Variants in PARL observed in about 807,000 individuals in gnomAD.
PARL encodes the protein presenilin associated rhomboid like.
In PARL, 44 loss-of-function variants were observed where a neutral mutation model predicts 51.6. The observed-to-expected ratio is 0.85, with a 90% CI of 0.67 to 1.10. The LOEUF is 1.10. Ranked by LOEUF, PARL falls within the 50% of genes least tolerant of loss-of-function variation. PARL has a pLI of 0.00. For synonymous variants in PARL, 172 were observed against 164.0 expected (o/e 1.05, Z -0.37); for missense variants, 441 against 469.5 (o/e 0.94, Z 0.56).
rs922468428 is a variant in PARL at position 183,830,365 on chromosome 3, C to T, written c.1029-656G>A. 2.0e-5 allele frequency among the ~76,000 whole-genome samples: 3 copies of T among 152,268 alleles called. No individual in the cohort carries two copies. In the East Asian group the frequency reaches 5.8e-4, roughly 29 times the overall value. On this transcript the variant is annotated intron_variant, in intron 9 of 9. Coordinates refer to ENST00000317096, the MANE Select transcript of PARL (RefSeq NM_018622.7). ...GAATCAGCAGACTGAGACTAGAACC[C>T]GAGTCTGCTGCTGAAGCCTGTGCTG...
chr3:183,855,258 T>C (rs879278094), intron 4 of PARL, among the ~76,000 whole-genome samples: 1 of 152,204 alleles, frequency 6.6e-6, no homozygotes, highest in Non-Finnish European at 1.5e-5. Context: ...CTTTTAAATA[T>C]AATAAAAACC....
chr3:183,884,611 G>A (rs1734911007), intron 1 of PARL, 111 bp downstream of exon 1: 1 of 1,071,006 alleles, frequency 9.3e-7, no homozygotes, highest in Non-Finnish European at 1.4e-6. Context: ...GTAAGGTGAA[G>A]GGGGTGAGCT....
chr3:183,833,548 G>T lies in PARL; in HGVS notation c.972C>A (p.Ile324=). ...CATGATCAAAAAATTTCCATCCCAG[G>T]ATCATTCCTGCTGTATCCATGGCGA... ...AIIAMDTAGM[I]LGWKFFDHAA... The change falls in exon 9 of 10, where the codon ATC becomes ATA. Residue 324 remains isoleucine (I), a synonymous_variant. Transcript: ENST00000317096. 1 of 1,613,860 alleles carries T rather than the reference G, an allele frequency of 6.2e-7. No individual in the cohort carries two copies. Among genetic ancestry groups the T allele is most frequent in the East Asian group, 2.2e-5 (1 of 44,870 alleles).
At chr3:183,832,617 A>C (rs113066858) in intron 9 of PARL, among the ~76,000 whole-genome samples, 2,801 of 152,322 alleles carry the variant, frequency 0.018, 75 homozygotes, top group African/African-American at 0.064. Flanking sequence ...CATTTATGTA[A>C]GAAAAGACAG....
intron 7 of PARL, among the ~76,000 whole-genome samples, chr3:183,837,556 C>T (rs760674732): frequency 1.3e-5 from 2 of 152,218 alleles, no homozygotes; most frequent in Non-Finnish European, 2.9e-5. Context: ...ACGCCCTCAG[C>T]TCCCATCCCT....
At chr3:183,831,750 A>T (rs941645932) in intron 9 of PARL, among the ~76,000 whole-genome samples, 7 of 152,340 alleles carry the variant, frequency 4.6e-5, no homozygotes, top group East Asian at 3.9e-4. Context: ...CAACGAAAAA[A>T]AAATAAATAA....
rs142691329 is a variant in PARL, at chr3:183,884,819, C to T, written c.28G>A (p.Gly10Ser). 222 of 1,597,484 alleles carry T rather than the reference C, an allele frequency of 1.4e-4. 1 individual carries two copies. In the African/African-American group the frequency reaches 2.5e-3, roughly 18 times the overall value. Residue 10 changes from glycine to serine, a missense_variant, in exon 1 of 10, where the codon GGC (glycine) becomes AGC (serine). Gly to Ser is a moderately conservative substitution (Grantham distance 56). Coordinates refer to ENST00000317096, the MANE Select transcript of PARL (RefSeq NM_018622.7). ...CCCCACGCCTGGCCGCAGCCCCAGC[C>T]TCTCTGCGCCCAGCCTCGCCACGCC... Reference protein sequence around the residue: MAWRGWAQRGWGCGQAWGAS... With the variant: MAWRGWAQRSWGCGQAWGAS...
At chr3:183,883,886 C>A (rs893665323) in intron 1 of PARL, among the ~76,000 whole-genome samples, 5 of 152,138 alleles carry the variant, frequency 3.3e-5, no homozygotes, top group Admixed American at 1.3e-4. Context: ...GCAATGGCTC[C>A]GCCACATTAG....
In PARL at chr3:183,867,997, T is replaced by C; in HGVS notation, c.189A>G (p.Arg63=). 1 of 1,614,200 alleles carries C rather than the reference T, an allele frequency of 6.2e-7. No homozygotes were observed. Among genetic ancestry groups the C allele is most frequent in the South Asian group, 1.1e-5 (1 of 91,086 alleles). ...FRKAPRKVEP[R]RSDPGTSGEA... is the part of the protein sequence containing the mutation. ...CACCACTTGTCCCTGGGTCTGATCT[T>C]CGAGGTTCAACCTTCCTGGGTGCTT... Residue 63 remains arginine, a synonymous_variant, in exon 2 of 10, where the codon CGA becomes CGG. Coordinates refer to ENST00000317096, the MANE Select transcript of PARL (RefSeq NM_018622.7).
downstream of PARL, chr3:183,826,569 T>C (rs1418662282): frequency 1.0e-6 from 1 of 983,154 alleles, no homozygotes; most frequent in African/African-American, 1.7e-5. Context: ...AGCACATCCC[T>C]GGCCAGTCAG....
chr3:183,832,568 C>T (rs938621941), intron 9 of PARL, among the ~76,000 whole-genome samples: 1 of 151,940 alleles, frequency 6.6e-6, no homozygotes, highest in African/African-American at 2.4e-5. Context: ...TTTCCATTGT[C>T]GCGGAACAAA....
At chr3:183,867,736 A>T in intron 2 of PARL, 129 bp downstream of exon 2, 1 of 738,228 alleles carries the variant, frequency 1.4e-6, no homozygotes, top group Non-Finnish European at 2.4e-6. Context: ...TATAATTAGA[A>T]TTCATGAGCC....
Position 183,844,160 on chromosome 3 carries a change from T to C in PARL, c.607+71A>G. 2.8e-6 allele frequency: 3 copies of C among 1,070,984 alleles called. No homozygotes were observed. In the South Asian group the frequency reaches 3.7e-5, roughly 13 times the overall value. The allele number at this position is 1,070,984 out of a possible 1,614,324, so 66.3% of individuals were successfully genotyped here. On this transcript the variant is annotated intron_variant, in intron 5 of 9. Coordinates refer to ENST00000317096, the MANE Select transcript of PARL (RefSeq NM_018622.7). ...AGGTAATTCGTCTTTTTTACAGCACTTCCATTAACTAAAGCATATTTCTTT... is the reference window on the plus strand; with the variant it reads ...AGGTAATTCGTCTTTTTTACAGCACCTCCATTAACTAAAGCATATTTCTTT...
chr3:183,828,012 T>C (rs1727553977), downstream of PARL, among the ~76,000 whole-genome samples: 1 of 152,220 alleles, frequency 6.6e-6, no homozygotes, highest in South Asian at 2.1e-4. Context: ...TTGAAGGCAG[T>C]GATCGCGGGT....
chr3:183,841,995 C>G (rs1363172426), intron 6 of PARL, among the ~76,000 whole-genome samples: 1 of 152,064 alleles, frequency 6.6e-6, no homozygotes, highest in Non-Finnish European at 1.5e-5. Flanking sequence ...AAATCAAGGC[C>G]CGATGAGATT....
chr3:183,881,984 T>TGAGACCAGGAGTTC (rs1734484931), intron 1 of PARL, among the ~76,000 whole-genome samples: 1 of 151,738 alleles, frequency 6.6e-6, no homozygotes, highest in South Asian at 2.1e-4. Flanking sequence ...GCAGATCACT[T>TGAGACCAGGAGTTC]GAGACCAGGA....
At chr3:183,827,983 G>A (rs1727552916), downstream of PARL, among the ~76,000 whole-genome samples, 1 of 152,204 alleles carries the variant, frequency 6.6e-6, no homozygotes, top group Non-Finnish European at 1.5e-5. Flanking sequence ...GAGGCCCACG[G>A]GCCAGGGAGT....
chr3:183,844,205 A>G, intron 5 of PARL, 26 bp downstream of exon 5: 2 of 1,410,300 alleles, frequency 1.4e-6, no homozygotes, highest in Non-Finnish European at 2.0e-6. Flanking sequence ...TCTACCTTAA[A>G]ATAAATTCAC....
rs60078452 is a variant in PARL, at chr3:183,834,886, C to CAAAAAAAAAAA, written c.829-1072_829-1062dup. On this transcript the variant is annotated intron_variant, in intron 7 of 9. Transcript: ENST00000317096. Reference sequence around the variant, plus strand: ...TAAAACCCCGTCTCTACTAAAAATACAAAAAAAAAAAAAAAAAAAAAAATT... The same window carrying CAAAAAAAAAAA: ...TAAAACCCCGTCTCTACTAAAAATACAAAAAAAAAAAAAAAAAAAAAAAAAAAAAAAAAATT... Among the ~76,000 whole-genome samples, 58 of 108,566 alleles carry CAAAAAAAAAAA rather than the reference C, an allele frequency of 5.3e-4. No homozygotes were observed. In the East Asian group the frequency reaches 6.1e-3, roughly 11 times the overall value. 71.2% of individuals were successfully genotyped at this position (108,566 alleles called of 152,430 possible).
Sources: allele counts gnomAD v4.1 joint callset (sites outside exome capture counted in the v4.1 genomes callset), GRCh38; gene constraint gnomAD v4.1.1; transcripts MANE v1.5; gene names NCBI Gene and HGNC (gene_info 2026-07-23, HGNC 2026-07-21).